The following LRRC4C variants were observed in gnomAD, a reference collection of about 807,000 sequenced individuals.
The protein encoded by LRRC4C is leucine rich repeat containing 4C, also known as leucine-rich repeat-containing protein 4C.
LRRC4C carries 5 observed loss-of-function variants against 33.6 expected under a neutral mutation model. The observed-to-expected ratio is 0.15, with a 90% CI of 0.08 to 0.31. The LOEUF is 0.31. Among genes scored for constraint, LRRC4C ranks in the 10% least tolerant of loss-of-function variants. LRRC4C has a pLI of 1.00. For missense variants in LRRC4C, 560 were observed against 796.7 expected, an observed-to-expected ratio of 0.70 and a Z score of 3.58; for synonymous variants, 329 against 302.0, an observed-to-expected ratio of 1.09 and a Z score of -0.93.
intron 2 of LRRC4C, among the ~76,000 whole-genome samples, chr11:40,845,736 G>C (rs4469881): frequency 0.038 from 5,791 of 152,208 alleles, 153 homozygotes; most frequent in Admixed American, 0.086. Flanking sequence ...TCTGGTTCTA[G>C]ATACTTGAGG....
chr11:40,387,977 T>C (rs1258647304), intron 3 of LRRC4C, among the ~76,000 whole-genome samples: 2 of 152,168 alleles, frequency 1.3e-5, no homozygotes, highest in Non-Finnish European at 2.9e-5. Flanking sequence ...CATTACAGTA[T>C]GATTGACTCA....
chr11:40,404,945 CA>C (rs1280461606), intron 3 of LRRC4C, among the ~76,000 whole-genome samples: 1 of 152,006 alleles, frequency 6.6e-6, no homozygotes, highest in Non-Finnish European at 1.5e-5. Flanking sequence ...CCACCACCCT[CA>C]AGGCAAGAGT....
chr11:41,266,500 A>G (rs984910224), intron 1 of LRRC4C, among the ~76,000 whole-genome samples: 1 of 152,166 alleles, frequency 6.6e-6, no homozygotes, highest in Non-Finnish European at 1.5e-5. Flanking sequence ...AGGAATAGAC[A>G]ATTTTGAAAC....
In LRRC4C at chr11:40,115,004, T is replaced by C; in HGVS notation, c.1289A>G (p.Asn430Ser). Residue 430 changes from asparagine (N) to serine (S), a missense_variant, in exon 7 of 7, where the codon AAT becomes AGT. Transcript: ENST00000528697. This position sits in a 1 kb window ranked among gnomAD's most constrained non-coding sequence, Gnocchi z 6.7. The part of the protein sequence containing the change: ...DTGMYTCMVS[N>S]SVGNTTASAT... ...TGAAGCAGTAGTATTCCCAACGGAA[T>C]TACTCACCATACATGTGTACATGCC... 6.2e-7 allele frequency: 1 copy of C among 1,614,248 alleles called. No individual in the cohort carries two copies. Among genetic ancestry groups the C allele is most frequent in the Non-Finnish European group, 8.5e-7 (1 of 1,180,048 alleles).
At chr11:40,799,661 G>A (rs1199300520) in intron 2 of LRRC4C, among the ~76,000 whole-genome samples, 1 of 152,150 alleles carries the variant, frequency 6.6e-6, no homozygotes, top group Non-Finnish European at 1.5e-5. Flanking sequence ...GTAGAGAAGG[G>A]GTTTTGCCAT....
intron 1 of LRRC4C, among the ~76,000 whole-genome samples, chr11:41,163,642 C>A (rs1002601797): frequency 2.7e-5 from 4 of 145,790 alleles, no homozygotes; most frequent in Non-Finnish European, 4.5e-5. Context: ...AACAGAGTCT[C>A]TCTCTGTTGC....
intron 4 of LRRC4C, among the ~76,000 whole-genome samples, chr11:40,302,359 C>T (rs563686286): frequency 6.6e-6 from 1 of 152,222 alleles, no homozygotes; most frequent in East Asian, 1.9e-4. Flanking sequence ...ATGAACGTTT[C>T]CACAATTTTT....
At chr11:41,373,787 G>A (rs752534658) in intron 1 of LRRC4C, among the ~76,000 whole-genome samples, 3 of 152,084 alleles carry the variant, frequency 2.0e-5, no homozygotes, top group South Asian at 2.1e-4. Context: ...TAAAGATCAC[G>A]AATTAGGATA....
intron 2 of LRRC4C, among the ~76,000 whole-genome samples, chr11:40,729,803 A>G (rs1947467505): frequency 6.6e-6 from 1 of 152,216 alleles, no homozygotes; most frequent in African/African-American, 2.4e-5. Context: ...ATAATGGTAG[A>G]ATCATATCAT....
chr11:40,453,402 C>T (rs943930513), intron 3 of LRRC4C, among the ~76,000 whole-genome samples: 2 of 151,926 alleles, frequency 1.3e-5, no homozygotes, highest in Non-Finnish European at 2.9e-5. Flanking sequence ...TTGAATTAAT[C>T]ATTTTAAAAC....
chr11:41,056,968 C>T (rs1858668618), intron 1 of LRRC4C, among the ~76,000 whole-genome samples: 1 of 152,158 alleles, frequency 6.6e-6, no homozygotes, highest in Non-Finnish European at 1.5e-5. Flanking sequence ...TTACCAGGTG[C>T]CACTGCAGCC....
At chr11:40,815,199 C>G (rs917537346) in intron 2 of LRRC4C, among the ~76,000 whole-genome samples, 1 of 152,126 alleles carries the variant, frequency 6.6e-6, no homozygotes, top group Admixed American at 6.6e-5. Context: ...GAATGAGGAG[C>G]GAAGTCATGT....
chr11:40,902,465 T>C (rs1319525830), intron 2 of LRRC4C, among the ~76,000 whole-genome samples: 1 of 152,112 alleles, frequency 6.6e-6, no homozygotes, highest in African/African-American at 2.4e-5. Context: ...AGCTTCTAAG[T>C]GTTCCAGTTA....
At chr11:41,071,392 T>C (rs978144018) in intron 1 of LRRC4C, among the ~76,000 whole-genome samples, 3 of 152,090 alleles carry the variant, frequency 2.0e-5, no homozygotes, top group African/African-American at 7.2e-5. Flanking sequence ...ATTCTGCACA[T>C]GTGTCCCGGA....
intron 2 of LRRC4C, among the ~76,000 whole-genome samples, chr11:40,880,536 T>G (rs1281276003): frequency 1.4e-5 from 1 of 71,176 alleles, no homozygotes; most frequent in Non-Finnish European, 2.7e-5. Flanking sequence ...GAATAAGATT[T>G]TTAAATGAAA....
chr11:40,692,779 C>A (rs1479287104), intron 2 of LRRC4C, among the ~76,000 whole-genome samples: 2 of 151,944 alleles, frequency 1.3e-5, no homozygotes, highest in Non-Finnish European at 2.9e-5. Flanking sequence ...AAAATGGGCT[C>A]CTATTTAGGC....
chr11:40,557,634 T>G (rs901618041), intron 3 of LRRC4C, among the ~76,000 whole-genome samples: 1 of 152,074 alleles, frequency 6.6e-6, no homozygotes, highest in Non-Finnish European at 1.5e-5. Flanking sequence ...ATTCTCAAGA[T>G]GAGGAAAGTG....
intron 1 of LRRC4C, among the ~76,000 whole-genome samples, chr11:41,069,185 T>C (rs1310551720): frequency 6.6e-6 from 1 of 152,182 alleles, no homozygotes; most frequent in East Asian, 1.9e-4. Flanking sequence ...ATTATTCTAA[T>C]AGAGACAGAA....
chr11:40,130,418 T>G (rs959236423), intron 6 of LRRC4C, among the ~76,000 whole-genome samples: 24 of 152,188 alleles, frequency 1.6e-4, no homozygotes, highest in African/African-American at 5.5e-4. Context: ...ATTCCTTATC[T>G]CCACAAGTGG....
Sources: gnomAD v4.1 joint callset for allele counts (sites outside exome capture counted in the v4.1 genomes callset) on GRCh38, gnomAD v4.1.1 for gene constraint, Gnocchi (gnomAD v3.1) non-coding constraint, MANE v1.5 for transcripts, NCBI Gene and HGNC (gene_info 2026-07-23, HGNC 2026-07-21) for gene names.